Variants in STARD7 observed in about 807,000 individuals in gnomAD.
The protein encoded by STARD7 is stAR-related lipid transfer protein 7, mitochondrial.
STARD7 carries 30 observed loss-of-function variants against 45.3 expected under a neutral mutation model. The observed-to-expected ratio is 0.66, with a 90% CI of 0.50 to 0.90. STARD7 has a LOEUF of 0.90. Ranked by LOEUF, STARD7 falls within the 40% of genes least tolerant of loss-of-function variation. STARD7 has a pLI of 0.00. For synonymous variants in STARD7, 199 were observed against 183.0 expected (o/e 1.09, Z -0.70); for missense variants, 495 against 491.3 (o/e 1.01, Z -0.07).
intron 7 of STARD7, 85 bp from the exon 8 acceptor site, chr2:96,186,999 G>A (rs1683047620): frequency 7.8e-7 from 1 of 1,288,662 alleles, no homozygotes; most frequent in Non-Finnish European, 1.1e-6. Context: ...TTTGATGGTA[G>A]GGAACTAGTT....
intron 1 of STARD7, among the ~76,000 whole-genome samples, chr2:96,199,984 C>A (rs1041653770): frequency 2.0e-5 from 3 of 152,184 alleles, no homozygotes; most frequent in African/African-American, 4.8e-5. Flanking sequence ...GAAGAACCGA[C>A]CTTGCCGTTC....
intron 1 of STARD7, among the ~76,000 whole-genome samples, chr2:96,203,844 T>C (rs1384134244): frequency 6.6e-6 from 1 of 151,928 alleles, no homozygotes; most frequent in Non-Finnish European, 1.5e-5. Context: ...GGCATGCCTG[T>C]AGTCCCAGCT....
intron 7 of STARD7, 54 bp downstream of exon 7, chr2:96,187,162 GA>G: frequency 7.4e-7 from 1 of 1,342,938 alleles, no homozygotes; most frequent in Non-Finnish European, 1.0e-6. Context: ...AGGAAATAGA[GA>G]AAAACAAAAT....
rs762860851 is a variant in STARD7 at position 96,192,391 on chromosome 2, C to T, written c.821G>A (p.Arg274His). 25 of 1,613,432 alleles carry T rather than the reference C, an allele frequency of 1.5e-5. No homozygotes were observed. Among genetic ancestry groups the T allele is most frequent in the African/African-American group, 6.7e-5 (5 of 74,866 alleles). Residue 274 changes from arginine (R) to histidine (H), a missense_variant, in exon 6 of 8, where the codon CGT (arginine) becomes CAT (histidine). By Grantham distance (29) the Arg-to-His change is conservative. Transcript: ENST00000337288. ...CACCTCATCAAATGACTTGTGGGGA[C>T]GGATAACCATTTGGGATTCATATGA... is the stretch of plus-strand genomic sequence containing the variant. ...VRSYESQMVIRPHKSFDENGF... is the reference protein window; with the variant it reads ...VRSYESQMVIHPHKSFDENGF...
intron 1 of STARD7, among the ~76,000 whole-genome samples, chr2:96,204,800 T>C (rs1683362467): frequency 6.7e-6 from 1 of 150,232 alleles, no homozygotes. Flanking sequence ...ATGCGGATCA[T>C]TTATCTAGTC....
At chr2:96,187,352 C>A in intron 6 of STARD7, 51 bp from the exon 7 acceptor site, 2 of 1,116,144 alleles carry the variant, frequency 1.8e-6, no homozygotes, top group Non-Finnish European at 1.4e-6. Flanking sequence ...CCAACCACAA[C>A]CTCCATATCC....
intron 1 of STARD7, among the ~76,000 whole-genome samples, chr2:96,207,917 C>G (rs1051219294): frequency 3.3e-5 from 5 of 152,144 alleles, no homozygotes; most frequent in Non-Finnish European, 7.4e-5. Flanking sequence ...CTCAAAGTCT[C>G]CCTCCTACAC....
intron 1 of STARD7, among the ~76,000 whole-genome samples, chr2:96,197,090 A>AAACTAAACTAAACAAAACAAC (rs1213410041): frequency 7.2e-6 from 1 of 138,124 alleles, no homozygotes. Flanking sequence ...ATAAAATAAA[A>AAACTAAACTAAACAAAACAAC]TAAAATAAAA....
chr2:96,200,527 C>T (rs556860727), intron 1 of STARD7, among the ~76,000 whole-genome samples: 14 of 152,196 alleles, frequency 9.2e-5, no homozygotes, highest in Admixed American at 6.5e-4. Flanking sequence ...AAGAATACAA[C>T]TGGAAAAAGG....
Position 96,186,498 on chromosome 2 carries a change from A to T in STARD7, c.*232T>A. On this transcript the variant is annotated 3_prime_UTR_variant, in exon 8 of 8. Coordinates refer to ENST00000337288, the MANE Select transcript of STARD7 (RefSeq NM_020151.4). Reference sequence around the variant, plus strand: ...TTAGCTCAGTGAGATACCGAATTTCAAAACAGTTGGCCTGAGAATATGACA... The same window carrying T: ...TTAGCTCAGTGAGATACCGAATTTCTAAACAGTTGGCCTGAGAATATGACA... 1 of 398,380 alleles carries T rather than the reference A, an allele frequency of 2.5e-6. No homozygotes were observed. The allele number at this position is 398,380 out of a possible 1,614,324, so 24.7% of individuals were successfully genotyped here. A position where few individuals can be genotyped will look rare whatever the true frequency, so the allele number is the denominator to read the frequency against.
Position 96,187,247 on chromosome 2 carries a change from G to A in STARD7, c.898C>T (p.Arg300Cys), listed in dbSNP as rs951200488. ...YSDNPQTVFP[R>C]YCVSWMVSSG... Reference sequence around the variant, plus strand: ...GAAACCATCCAACTAACACAGTAGCGAGGAAACACCGTTTGGGGATTGTCA... The same window carrying A: ...GAAACCATCCAACTAACACAGTAGCAAGGAAACACCGTTTGGGGATTGTCA... The change falls in exon 7 of 8, where the codon CGC becomes TGC. Residue 300 changes from arginine to cysteine, a missense_variant. Transcript: ENST00000337288. The A allele has an allele frequency of 5.0e-6, 8 of 1,613,794 alleles. No individual in the cohort carries two copies. The highest frequency in any genetic ancestry group is 1.7e-4 in the Middle Eastern group (1 of 6,060).
In STARD7 at chr2:96,195,512, T is replaced by C. The variant is rs781221907; in HGVS notation, c.328A>G (p.Asn110Asp). The C allele has an allele frequency of 4.3e-5, 69 of 1,613,796 alleles. 1 individual carries two copies. In the Middle Eastern group the frequency reaches 6.6e-4, roughly 15 times the overall value. Residue 110 changes from asparagine (N) to aspartate (D), a missense_variant, in exon 2 of 8, where the codon AAT becomes GAT. Physicochemically the swap from Asn to Asp is conservative, Grantham distance 23. This residue lies in a region of STARD7 where 282 missense variants were observed against 220.1 expected (regional missense o/e 1.28). Transcript: ENST00000337288. ...TGGACTCCAGAGCTCTGAAACATAT[T>C]TGACATTTCTTCCAACCGCTTCATC... is the stretch of plus-strand genomic sequence containing the variant. Reference protein sequence around the residue: ...NEMKRLEEMSNMFQSSGVQHH... With the variant: ...NEMKRLEEMSDMFQSSGVQHH...
At chr2:96,197,942 TTTTG>T (rs1177734461) in intron 1 of STARD7, among the ~76,000 whole-genome samples, 1 of 152,234 alleles carries the variant, frequency 6.6e-6, no homozygotes, top group African/African-American at 2.4e-5. Context: ...ATAGATCGCA[TTTTG>T]TTTATCCATT....
At chr2:96,199,013 C>G (rs1481632986) in intron 1 of STARD7, among the ~76,000 whole-genome samples, 1 of 152,196 alleles carries the variant, frequency 6.6e-6, no homozygotes, top group Non-Finnish European at 1.5e-5. Context: ...TTTCTAGACT[C>G]TCAATTTTAT....
chr2:96,196,449 G>A (rs1683207306), intron 1 of STARD7, among the ~76,000 whole-genome samples: 2 of 152,102 alleles, frequency 1.3e-5, no homozygotes, highest in Admixed American at 1.3e-4. Context: ...AATACAGTAA[G>A]ACTCTGTCTC....
chr2:96,189,382 T>C (rs957085770), intron 6 of STARD7, among the ~76,000 whole-genome samples: 8 of 152,170 alleles, frequency 5.3e-5, no homozygotes, highest in African/African-American at 1.9e-4. Flanking sequence ...ATGATCCAGC[T>C]GCATATCTTT....
At chr2:96,195,983 C>T (rs947370061) in intron 1 of STARD7, among the ~76,000 whole-genome samples, 2 of 151,544 alleles carry the variant, frequency 1.3e-5, no homozygotes, top group Admixed American at 1.3e-4. Context: ...CATGGTGGCG[C>T]GCAACTGTAA....
At chr2:96,204,630 A>G (rs2104206726) in intron 1 of STARD7, among the ~76,000 whole-genome samples, 1 of 152,244 alleles carries the variant, frequency 6.6e-6, no homozygotes, top group African/African-American at 2.4e-5. Context: ...TAGGGCAACT[A>G]GTTAATGGTA....
chr2:96,205,665 A>C (rs1267497705), intron 1 of STARD7, among the ~76,000 whole-genome samples: 1 of 152,232 alleles, frequency 6.6e-6, no homozygotes, highest in Non-Finnish European at 1.5e-5. Flanking sequence ...GCCTACTTTC[A>C]AGCAAATAGA....
Sources: allele counts gnomAD v4.1 joint callset (sites outside exome capture counted in the v4.1 genomes callset), GRCh38; gene constraint gnomAD v4.1.1; regional missense constraint gnomAD v4.1.1; transcripts MANE v1.5; gene names NCBI Gene and HGNC (gene_info 2026-07-23, HGNC 2026-07-21).